Variants in AOPEP observed in about 807,000 individuals in gnomAD.
AOPEP encodes the protein aminopeptidase O (putative), also known as aminopeptidase O.
Under a neutral mutation model 98.1 loss-of-function variants are expected in AOPEP, and 77 were observed. The observed-to-expected ratio is 0.78, with a 90% CI of 0.65 to 0.95. AOPEP has a LOEUF of 0.95. AOPEP is among the 40% of genes least tolerant of loss of function. The pLI is 0.00. For missense variants in AOPEP, 1,024 were observed against 1,024.7 expected, an observed-to-expected ratio of 1.00 and a Z score of 0.01; for synonymous variants, 346 against 365.3, an observed-to-expected ratio of 0.95 and a Z score of 0.60.
Position 94,979,393 on chromosome 9 carries a change from A to G in AOPEP, c.1943A>G (p.Tyr648Cys), listed in dbSNP as rs745379024. 1 of 1,603,500 alleles carries G rather than the reference A, an allele frequency of 6.2e-7. No individual in the cohort carries two copies. The highest frequency in any genetic ancestry group is 1.1e-5 in the South Asian group (1 of 89,620). ...KRLELSVENI[Y>C]QDWLESSGIP... The stretch of plus-strand genomic sequence containing the variant: ...CTTGAGCTGTCTGTTGAAAACATCT[A>G]CCAAGACTGGCTTGAGAGTTCCGGA... The change falls in exon 11 of 17, where the codon TAC becomes TGC. Residue 648 changes from tyrosine (Y) to cysteine (C), a missense_variant. Tyr to Cys is a radical substitution (Grantham distance 194, BLOSUM62 -2). Coordinates refer to ENST00000375315, the MANE Select transcript of AOPEP (RefSeq NM_001193329.3).
chr9:95,078,512 G>A (rs773712769), intron 14 of AOPEP, among the ~76,000 whole-genome samples: 23 of 152,352 alleles, frequency 1.5e-4, no homozygotes, highest in African/African-American at 4.8e-4. Context: ...CTTAGAAACC[G>A]ACAGGTCTCA....
At chr9:94,918,644 T>C (rs903589799) in intron 5 of AOPEP, among the ~76,000 whole-genome samples, 9 of 152,210 alleles carry the variant, frequency 5.9e-5, no homozygotes, top group African/African-American at 2.2e-4. Flanking sequence ...CTGTACCCAC[T>C]TTCCTCACGT....
the AOPEP span, among the ~76,000 whole-genome samples, chr9:95,093,153 C>T: frequency 6.6e-6 from 1 of 152,054 alleles, no homozygotes; most frequent in African/African-American, 2.4e-5. Flanking sequence ...AAGTTAAAAG[C>T]GTGGAGGAAG....
chr9:94,799,653 A>G (rs1223884931), intron 4 of AOPEP, among the ~76,000 whole-genome samples: 1 of 152,106 alleles, frequency 6.6e-6, no homozygotes, highest in Admixed American at 6.5e-5. Flanking sequence ...ACTTGAGGTC[A>G]GGAGTTTGAG....
intron 4 of AOPEP, among the ~76,000 whole-genome samples, chr9:94,795,299 A>G (rs1335447120): frequency 6.6e-6 from 1 of 152,106 alleles, no homozygotes; most frequent in Non-Finnish European, 1.5e-5. Flanking sequence ...CTGGAGAGTC[A>G]CTGCCATGAT....
intron 7 of AOPEP, among the ~76,000 whole-genome samples, chr9:94,952,363 C>T (rs2058161254): frequency 6.6e-6 from 1 of 152,222 alleles, no homozygotes; most frequent in Non-Finnish European, 1.5e-5. Flanking sequence ...CATGAAAGTA[C>T]ATTCAGATCA....
At chr9:95,020,460 G>C (rs777743729) in intron 13 of AOPEP, among the ~76,000 whole-genome samples, 1 of 152,158 alleles carries the variant, frequency 6.6e-6, no homozygotes, top group Non-Finnish European at 1.5e-5. Flanking sequence ...CCAAAGAGCA[G>C]ATAAGGATTC....
intron 4 of AOPEP, among the ~76,000 whole-genome samples, chr9:94,797,693 T>G (rs1847305613): frequency 6.7e-6 from 1 of 150,150 alleles, no homozygotes; most frequent in Non-Finnish European, 1.5e-5. Context: ...GTTAGTAAAT[T>G]CTCTCATACC....
intron 3 of AOPEP, among the ~76,000 whole-genome samples, chr9:94,783,183 C>T (rs557873749): frequency 1.3e-5 from 2 of 152,266 alleles, no homozygotes; most frequent in Admixed American, 1.3e-4. Flanking sequence ...TTAGGTATCC[C>T]GTTAGCCAAC....
chr9:95,128,229 TAAAAC>T, the AOPEP span, among the ~76,000 whole-genome samples: 1 of 152,012 alleles, frequency 6.6e-6, no homozygotes, highest in African/African-American at 2.4e-5. Flanking sequence ...AATGAAAAAA[TAAAAC>T]AAGGGAAAAG....
rs905339596 is a variant in AOPEP, at chr9:94,831,383, C to T, written c.1364+30381C>T. 1.1e-4 allele frequency among the ~76,000 whole-genome samples: 16 copies of T among 152,030 alleles called. No individual in the cohort carries two copies. In the East Asian group the frequency reaches 1.9e-3, roughly 18 times the overall value. The stretch of plus-strand genomic sequence containing the variant: ...GGTTGTAGGTGTGTGGTCTTATTTC[C>T]GAGTTATCTGTTCTGTTCTATTGGT... On this transcript the variant is annotated intron_variant, in intron 5 of 16. Coordinates refer to ENST00000375315, the MANE Select transcript of AOPEP (RefSeq NM_001193329.3).
intron 11 of AOPEP, among the ~76,000 whole-genome samples, 155 bp downstream of exon 11, chr9:94,979,582 C>T (rs948673425): frequency 1.3e-5 from 2 of 152,216 alleles, no homozygotes; most frequent in Non-Finnish European, 2.9e-5. Flanking sequence ...TAGTCTCTCC[C>T]GCATTTCCCC....
chr9:94,792,515 C>T (rs1364597291), intron 3 of AOPEP, among the ~76,000 whole-genome samples: 1 of 152,076 alleles, frequency 6.6e-6, no homozygotes, highest in Non-Finnish European at 1.5e-5. Context: ...GCACTACCAC[C>T]CTCACGTGAA....
intron 5 of AOPEP, among the ~76,000 whole-genome samples, chr9:94,882,766 C>G (rs1475874107): frequency 6.6e-6 from 1 of 152,166 alleles, no homozygotes; most frequent in Non-Finnish European, 1.5e-5. Flanking sequence ...TCGCGAGACT[C>G]CGTCTCAAAA....
chr9:94,728,228 C>T (rs905932653), intron 1 of AOPEP, among the ~76,000 whole-genome samples: 6 of 135,778 alleles, frequency 4.4e-5, no homozygotes, highest in Admixed American at 7.8e-5. Flanking sequence ...ATCCTTCCTG[C>T]GTGCGCGCAT....
chr9:95,051,390 AC>A (rs1401048433), intron 13 of AOPEP, among the ~76,000 whole-genome samples: 1 of 150,986 alleles, frequency 6.6e-6, no homozygotes, highest in Non-Finnish European at 1.5e-5. Flanking sequence ...GCCCAGCCAT[AC>A]TTTTTTTTTT....
chr9:95,108,134 G>T, the AOPEP span, among the ~76,000 whole-genome samples: 1 of 152,226 alleles, frequency 6.6e-6, no homozygotes, highest in Non-Finnish European at 1.5e-5. Context: ...GATTTTGTGT[G>T]AGGCGTTTTT....
intron 11 of AOPEP, among the ~76,000 whole-genome samples, chr9:94,990,768 A>C (rs550758725): frequency 6.6e-6 from 1 of 152,050 alleles, no homozygotes; most frequent in African/African-American, 2.4e-5. Context: ...GCTGGACTAC[A>C]GGTCTGTGCC....
At position 94,925,224 on chromosome 9, in the gene AOPEP, C is replaced by T. The variant is rs192487508; in HGVS notation, c.1554+1049C>T. ...CAGTCTGGTCTCGAACTCCTGACCT[C>T]GTGATCCGCCCACCTTGGCCTCCCA... On this transcript the variant is annotated intron_variant, in intron 6 of 16. Transcript: ENST00000375315. Among the ~76,000 whole-genome samples the T allele has an allele frequency of 2.6e-4, 40 of 152,282 alleles. 1 individual carries two copies. In the East Asian group the frequency reaches 6.6e-3, roughly 25 times the overall value.
Sources: gnomAD v4.1 joint callset for allele counts (sites outside exome capture counted in the v4.1 genomes callset) on GRCh38, gnomAD v4.1.1 for gene constraint, MANE v1.5 for transcripts, NCBI Gene and HGNC (gene_info 2026-07-23, HGNC 2026-07-21) for gene names.